The following ATXN1 variants were observed in gnomAD, a reference collection of about 807,000 sequenced individuals.
ATXN1 encodes the protein ataxin-1.
In ATXN1, 8 loss-of-function variants were observed where a neutral mutation model predicts 56.4. The observed-to-expected ratio is 0.14, with a 90% confidence interval of 0.08 to 0.26. The LOEUF (loss-of-function observed/expected upper bound fraction) is 0.26, where lower values mean the gene tolerates loss of function less well. ATXN1 is among the 10% of genes least tolerant of loss of function. ATXN1 has a pLI of 1.00. For missense variants in ATXN1, 987 were observed against 1,106.5 expected, an observed-to-expected ratio of 0.89 and a Z score of 1.53; for synonymous variants, 514 against 494.6, an observed-to-expected ratio of 1.04 and a Z score of -0.52.
At chr6:16,543,901 C>T (rs572820932) in intron 4 of ATXN1, among the ~76,000 whole-genome samples, 7 of 152,144 alleles carry the variant, frequency 4.6e-5, no homozygotes, top group Admixed American at 2.6e-4. Flanking sequence ...GTTGTCACTT[C>T]GAACCTAAAG....
intron 3 of ATXN1, among the ~76,000 whole-genome samples, chr6:16,650,948 C>A (rs1283617752): frequency 6.6e-6 from 1 of 152,192 alleles, no homozygotes; most frequent in African/African-American, 2.4e-5. Context: ...TAGTTCTTTG[C>A]TGAATTAAAC....
intron 3 of ATXN1, among the ~76,000 whole-genome samples, chr6:16,623,395 T>G (rs1273850195): frequency 6.6e-6 from 1 of 152,236 alleles, no homozygotes; most frequent in Non-Finnish European, 1.5e-5. Context: ...ACTCCAGATC[T>G]CAAATAAGTC....
chr6:16,352,315 C>T (rs914278545), intron 6 of ATXN1, among the ~76,000 whole-genome samples: 1 of 152,118 alleles, frequency 6.6e-6, no homozygotes, highest in Non-Finnish European at 1.5e-5. Context: ...AAGCTCTCAA[C>T]GGAGAGCCTG....
intron 3 of ATXN1, among the ~76,000 whole-genome samples, chr6:16,625,142 T>A (rs1007625329): frequency 6.6e-6 from 1 of 152,220 alleles, no homozygotes; most frequent in Non-Finnish European, 1.5e-5. Context: ...TCAAGTGAGC[T>A]GCATCTCTTC....
intron 3 of ATXN1, among the ~76,000 whole-genome samples, chr6:16,600,773 A>G (rs147747282): frequency 6.6e-6 from 1 of 152,370 alleles, no homozygotes; most frequent in East Asian, 1.9e-4. Context: ...ATACTTTACA[A>G]GTTTAATCAC....
In ATXN1 at chr6:16,308,012, G is replaced by A. The variant is rs1019694318; in HGVS notation, c.1918-1153C>T. On this transcript the variant is annotated intron_variant, in intron 7 of 7. Transcript: ENST00000436367. ...CTACTAAAAATACAAAACTTAGCCA[G>A]GTGTGGTGGTGGGCCCCTATAATCC... Among the ~76,000 whole-genome samples, 4 of 152,074 alleles carry A rather than the reference G, an allele frequency of 2.6e-5. 1 individual carries two copies. The South Asian group carries it at 8.3e-4, about 31-fold the overall frequency.
rs60238072 is a variant in ATXN1 at position 16,390,680 on chromosome 6, T to TACACACACACA, written c.-160-62211_-160-62210insTGTGTGTGTGT. On this transcript the variant is annotated intron_variant, in intron 6 of 7. Coordinates refer to ENST00000436367, the MANE Select transcript of ATXN1 (RefSeq NM_001128164.2). ...AGATTCAAGGAGTCAAATAAACACA[T>TACACACACACA]CACACACACACACACACACACACAC... Among the ~76,000 whole-genome samples the TACACACACACA allele has an allele frequency of 1.5e-3, 216 of 147,260 alleles. 1 individual carries two copies. Among genetic ancestry groups the TACACACACACA allele is most frequent in the African/African-American group, 4.6e-3 (186 of 40,160 alleles).
chr6:16,510,706 C>A (rs546459768), intron 5 of ATXN1, among the ~76,000 whole-genome samples: 1 of 152,040 alleles, frequency 6.6e-6, no homozygotes, highest in Admixed American at 6.6e-5. Flanking sequence ...CCACTGCACT[C>A]CAGCCTGGGT....
intron 5 of ATXN1, among the ~76,000 whole-genome samples, chr6:16,521,855 A>C (rs1377413439): frequency 6.6e-6 from 1 of 152,252 alleles, no homozygotes; most frequent in East Asian, 1.9e-4. Flanking sequence ...CATCCATAAC[A>C]GAAGTGTTCT....
intron 3 of ATXN1, among the ~76,000 whole-genome samples, chr6:16,635,755 A>C (rs1033741766): frequency 6.6e-6 from 1 of 152,184 alleles, no homozygotes; most frequent in Non-Finnish European, 1.5e-5. Context: ...GAGAAGGAAA[A>C]TCCACTGTAG....
intron 3 of ATXN1, among the ~76,000 whole-genome samples, chr6:16,593,651 T>C (rs1280078283): frequency 6.6e-6 from 1 of 152,152 alleles, no homozygotes; most frequent in Non-Finnish European, 1.5e-5. Flanking sequence ...CATAGTTTAA[T>C]TGTGCTTGAT....
chr6:16,323,590 C>T (rs1760734235), intron 7 of ATXN1, among the ~76,000 whole-genome samples: 1 of 149,558 alleles, frequency 6.7e-6, no homozygotes, highest in Non-Finnish European at 1.5e-5. Context: ...GCTGCCAGGC[C>T]TGGGAAGTGT....
rs368990027 is a variant in ATXN1, at chr6:16,534,255, G to A, written c.-360-11567C>T. Among the ~76,000 whole-genome samples the A allele has an allele frequency of 6.2e-4, 94 of 151,946 alleles. No homozygotes were observed. The Middle Eastern group carries it at 0.01, about 16-fold the overall frequency. ...CAGTTAACCAAAAAATTTTCTGACC[G>A]TTAAGAGTTTTAACCAATATGCAGT... On this transcript the variant is annotated intron_variant, in intron 4 of 7. Transcript: ENST00000436367.
chr6:16,699,492 G>A (rs1368914824), intron 2 of ATXN1, among the ~76,000 whole-genome samples: 1 of 152,236 alleles, frequency 6.6e-6, no homozygotes, highest in Non-Finnish European at 1.5e-5. Context: ...GAGGACTGAA[G>A]TCAGAGAACT....
chr6:16,678,231 T>G (rs1758726638), intron 2 of ATXN1, among the ~76,000 whole-genome samples: 1 of 151,046 alleles, frequency 6.6e-6, no homozygotes, highest in South Asian at 2.1e-4. Flanking sequence ...CTATCTTATT[T>G]TTTCATAATC....
intron 6 of ATXN1, among the ~76,000 whole-genome samples, chr6:16,330,944 A>G (rs984215904): frequency 1.3e-5 from 2 of 152,074 alleles, no homozygotes; most frequent in African/African-American, 4.8e-5. Flanking sequence ...ACCCTAAAAC[A>G]CTTATGCTGA....
intron 6 of ATXN1, among the ~76,000 whole-genome samples, chr6:16,402,883 C>T (rs1758607138): frequency 6.6e-6 from 1 of 152,184 alleles, no homozygotes; most frequent in African/African-American, 2.4e-5. Context: ...CTTTGCTCTC[C>T]TACATCAAAC....
At chr6:16,681,775 A>G (rs1758816894) in intron 2 of ATXN1, among the ~76,000 whole-genome samples, 1 of 152,232 alleles carries the variant, frequency 6.6e-6, no homozygotes, top group South Asian at 2.1e-4. Context: ...ACTTCCCAAG[A>G]ACATACAGAG....
intron 4 of ATXN1, among the ~76,000 whole-genome samples, chr6:16,534,497 G>A (rs1427659613): frequency 2.0e-5 from 3 of 151,004 alleles, no homozygotes; most frequent in Non-Finnish European, 2.9e-5. Context: ...GGGGAGAGAG[G>A]ACCCCTGATG....
Sources: allele counts gnomAD v4.1 joint callset (sites outside exome capture counted in the v4.1 genomes callset), GRCh38; gene constraint gnomAD v4.1.1; transcripts MANE v1.5; gene names NCBI Gene and HGNC (gene_info 2026-07-23, HGNC 2026-07-21).